Variants in FLRT2 observed in about 807,000 individuals in gnomAD.
FLRT2 encodes leucine-rich repeat transmembrane protein FLRT2.
FLRT2 carries 15 observed loss-of-function variants against 40.0 expected under a neutral mutation model. The observed-to-expected ratio is 0.38, with a 90% confidence interval of 0.25 to 0.58. The LOEUF is 0.58. Ranked by LOEUF, FLRT2 falls within the 20% of genes least tolerant of loss-of-function variation. The pLI is 0.71. For synonymous variants in FLRT2, 380 were observed against 336.8 expected, an observed-to-expected ratio of 1.13 and a Z score of -1.41; for missense variants, 726 against 840.0, an observed-to-expected ratio of 0.86 and a Z score of 1.68.
intron 1 of FLRT2, among the ~76,000 whole-genome samples, chr14:85,575,727 G>C (rs1313526676): frequency 1.3e-5 from 2 of 152,176 alleles, no homozygotes; most frequent in Admixed American, 1.3e-4. Context: ...TGCAGAGAGT[G>C]AAAGTGTTTA....
chr14:85,588,071 CT>C (rs1891710800), intron 1 of FLRT2, among the ~76,000 whole-genome samples: 2 of 151,998 alleles, frequency 1.3e-5, no homozygotes, highest in African/African-American at 2.4e-5. Flanking sequence ...GATATTTCAG[CT>C]TCTTTCTTAT....
chr14:85,580,767 G>C (rs1279073087), intron 1 of FLRT2, among the ~76,000 whole-genome samples: 2 of 151,948 alleles, frequency 1.3e-5, no homozygotes, highest in Admixed American at 6.6e-5. Flanking sequence ...TGTGTTTCTA[G>C]CGGATTGAGA....
At position 85,630,229 on chromosome 14, in the gene FLRT2, T is replaced by A. The variant is rs1177811002; in HGVS notation, c.*6732T>A. ...AGGATACAAAAGTTTTTAATGGTAA[T>A]AACCCAAACTATATGTCATTTTAGC... On this transcript the variant is annotated 3_prime_UTR_variant, in exon 2 of 2. Coordinates refer to ENST00000330753, the MANE Select transcript of FLRT2 (RefSeq NM_013231.6). The A allele has an allele frequency of 6.7e-6, 1 of 148,802 alleles. No homozygotes were observed. Among genetic ancestry groups the A allele is most frequent in the Non-Finnish European group, 1.5e-5 (1 of 67,212 alleles). The allele number at this position is 148,802 out of a possible 1,614,324, so 9.2% of individuals were successfully genotyped here. A position where few individuals can be genotyped will look rare whatever the true frequency, so the allele number is the denominator to read the frequency against.
chr14:85,611,813 G>A (rs1453302493), intron 1 of FLRT2, among the ~76,000 whole-genome samples: 2 of 151,982 alleles, frequency 1.3e-5, no homozygotes, highest in African/African-American at 4.8e-5. Flanking sequence ...TTGAAGATTG[G>A]AACTTTTTTC....
intron 1 of FLRT2, among the ~76,000 whole-genome samples, chr14:85,584,217 A>C (rs1891517134): frequency 6.6e-6 from 1 of 152,160 alleles, no homozygotes; most frequent in African/African-American, 2.4e-5. Context: ...CAAAATGAAC[A>C]AGTTGATTAA....
In FLRT2 at chr14:85,636,403, A is replaced by AAG. The variant is rs1249912825; in HGVS notation, c.*12907_*12908insGA. ...AAGTCACCTGCAGAAAAAAAAAAAA[A>AAG]AAAAACAAAAAACATTCTTATTAAT... On this transcript the variant is annotated 3_prime_UTR_variant, in exon 2 of 2. Coordinates refer to ENST00000330753, the MANE Select transcript of FLRT2 (RefSeq NM_013231.6). The AAG allele has an allele frequency of 8.4e-5, 11 of 130,922 alleles. No individual in the cohort carries two copies. The highest frequency in any genetic ancestry group is 2.9e-4 in the African/African-American group (10 of 34,840). 8.1% of individuals were successfully genotyped at this position (130,922 alleles called of 1,614,324 possible). A position where few individuals can be genotyped will look rare whatever the true frequency, so the allele number is the denominator to read the frequency against.
intron 1 of FLRT2, among the ~76,000 whole-genome samples, chr14:85,597,856 T>C (rs1206745845): frequency 6.6e-6 from 1 of 152,256 alleles, no homozygotes; most frequent in Non-Finnish European, 1.5e-5. Context: ...ACGTGTGGCT[T>C]CAAATTGTAT....
At chr14:85,543,557 A>G (rs1487576319) in intron 1 of FLRT2, among the ~76,000 whole-genome samples, 1 of 151,930 alleles carries the variant, frequency 6.6e-6, no homozygotes, top group Non-Finnish European at 1.5e-5. Context: ...ATCACATCAT[A>G]TTCCTTTAGA....
chr14:85,642,992 T>C lies in FLRT2; in HGVS notation c.*19495T>C, dbSNP rs1197027802. 1 of 152,218 alleles carries C rather than the reference T, an allele frequency of 6.6e-6. No homozygotes were observed. The highest frequency in any genetic ancestry group is 1.5e-5 in the Non-Finnish European group (1 of 68,060). The allele number at this position is 152,218 out of a possible 1,614,324, so 9.4% of individuals were successfully genotyped here. ...GATCAAGTTGCCTGCAGATCTGGTG[T>C]CTGGTGATGCTCCTCTTTTTGAGTT... On this transcript the variant is annotated 3_prime_UTR_variant, in exon 2 of 2. Coordinates refer to ENST00000330753, the MANE Select transcript of FLRT2 (RefSeq NM_013231.6).
chr14:85,606,521 C>CT (rs532159794), intron 1 of FLRT2, among the ~76,000 whole-genome samples: 152 of 99,952 alleles, frequency 1.5e-3, no homozygotes, highest in South Asian at 0.011. Flanking sequence ...AGCTGTTACT[C>CT]TTTTTTTTTT....
chr14:85,578,049 C>A (rs1294034695), intron 1 of FLRT2, among the ~76,000 whole-genome samples: 9 of 150,038 alleles, frequency 6.0e-5, no homozygotes, highest in Non-Finnish European at 1.0e-4. Context: ...CCACTGCCAC[C>A]TTTTTGTTGT....
At position 85,642,301 on chromosome 14, in the gene FLRT2, G is replaced by A. The variant is rs1476275051; in HGVS notation, c.*18804G>A. On this transcript the variant is annotated 3_prime_UTR_variant, in exon 2 of 2. Coordinates refer to ENST00000330753, the MANE Select transcript of FLRT2 (RefSeq NM_013231.6). Reference sequence around the variant, plus strand: ...CCAGAGCATTATAATGGGAATGTTAGGTAGGTTTAAATTATTCTGACTATA... The same window carrying A: ...CCAGAGCATTATAATGGGAATGTTAAGTAGGTTTAAATTATTCTGACTATA... 3.9e-5 allele frequency: 6 copies of A among 152,104 alleles called. No homozygotes were observed. The highest frequency in any genetic ancestry group is 1.4e-4 in the African/African-American group (6 of 41,418). 9.4% of individuals were successfully genotyped at this position (152,104 alleles called of 1,614,324 possible). A position where few individuals can be genotyped will look rare whatever the true frequency, so the allele number is the denominator to read the frequency against.
At chr14:85,606,029 A>G (rs1384193411) in intron 1 of FLRT2, among the ~76,000 whole-genome samples, 1 of 152,108 alleles carries the variant, frequency 6.6e-6, no homozygotes, top group Non-Finnish European at 1.5e-5. Context: ...GCTAGCATTC[A>G]TGATTTTTTC....
rs1282130321 is a variant in FLRT2 at position 85,636,036 on chromosome 14, T to C, written c.*12539T>C. The C allele has an allele frequency of 3.3e-5, 5 of 152,144 alleles. No homozygotes were observed. The highest frequency in any genetic ancestry group is 6.5e-5 in the Admixed American group (1 of 15,274). 9.4% of individuals were successfully genotyped at this position (152,144 alleles called of 1,614,324 possible). A position where few individuals can be genotyped will look rare whatever the true frequency, so the allele number is the denominator to read the frequency against. On this transcript the variant is annotated 3_prime_UTR_variant, in exon 2 of 2. Coordinates refer to ENST00000330753, the MANE Select transcript of FLRT2 (RefSeq NM_013231.6). Reference sequence around the variant, plus strand: ...GGCTTGTAATTGTGTAATTGGAAAGTGGTCCTTGGGACTCAGATTAAGGTA... The same window carrying C: ...GGCTTGTAATTGTGTAATTGGAAAGCGGTCCTTGGGACTCAGATTAAGGTA...
chr14:85,612,921 G>A (rs1185800789), intron 1 of FLRT2, among the ~76,000 whole-genome samples: 1 of 152,130 alleles, frequency 6.6e-6, no homozygotes, highest in Non-Finnish European at 1.5e-5. Context: ...TCTTGTGAAG[G>A]AGACATAAGA....
In FLRT2 at chr14:85,573,310, A is replaced by ATC. The variant is rs143314910; in HGVS notation, c.-377+42793_-377+42794dup. On this transcript the variant is annotated intron_variant, in intron 1 of 1. Transcript: ENST00000330753. ...CATATCACATACATCACACTCACAC[A>ATC]TCTCTCTCTCTCTCTCTCACATACA... 3.5e-4 allele frequency among the ~76,000 whole-genome samples: 52 copies of ATC among 149,132 alleles called. 1 individual carries two copies. Among genetic ancestry groups the ATC allele is most frequent in the Non-Finnish European group, 3.0e-4 (20 of 67,028 alleles).
rs1256572810 is a variant in FLRT2, at chr14:85,626,494, G to A, written c.*2997G>A. On this transcript the variant is annotated 3_prime_UTR_variant, in exon 2 of 2. Transcript: ENST00000330753. ...GCTTGGTAAATGTCACTGTACAGAA[G>A]ACATTGAAAAGGAAGAGGCATAGTC... The A allele has an allele frequency of 6.0e-6, 1 of 167,062 alleles. No homozygotes were observed. The highest frequency in any genetic ancestry group is 1.5e-5 in the Non-Finnish European group (1 of 68,116). 10.3% of individuals were successfully genotyped at this position (167,062 alleles called of 1,614,324 possible).
At chr14:85,619,532 T>G (rs17713869) in intron 1 of FLRT2, among the ~76,000 whole-genome samples, 3,253 of 152,338 alleles carry the variant, frequency 0.021, 60 homozygotes, top group South Asian at 0.08. Context: ...TTGAGATGGC[T>G]TAACAATCTT....
chr14:85,652,781 A>G lies in FLRT2; in HGVS notation c.*29284A>G, dbSNP rs1053475142. 1 of 152,094 alleles carries G rather than the reference A, an allele frequency of 6.6e-6. No individual in the cohort carries two copies. Among genetic ancestry groups the G allele is most frequent in the South Asian group, 2.1e-4 (1 of 4,820 alleles). 9.4% of individuals were successfully genotyped at this position (152,094 alleles called of 1,614,324 possible). A position where few individuals can be genotyped will look rare whatever the true frequency, so the allele number is the denominator to read the frequency against. ...GATTTATAAGAATCCAGAAATTATC[A>G]ATGAGTTTTCTTTTTCTATTATTTA... On this transcript the variant is annotated 3_prime_UTR_variant, in exon 2 of 2. Coordinates refer to ENST00000330753, the MANE Select transcript of FLRT2 (RefSeq NM_013231.6).
Sources: allele counts gnomAD v4.1 joint callset (sites outside exome capture counted in the v4.1 genomes callset), GRCh38; gene constraint gnomAD v4.1.1; transcripts MANE v1.5; gene names NCBI Gene and HGNC (gene_info 2026-07-23, HGNC 2026-07-21).